The following ANTXR2 variants were observed in gnomAD, a reference collection of about 807,000 sequenced individuals.
ANTXR2 encodes the protein anthrax toxin receptor 2.
In ANTXR2, 44 loss-of-function variants were observed where a neutral mutation model predicts 73.7. That is an observed-to-expected ratio of 0.60 (90% CI 0.47 to 0.77). The LOEUF (loss-of-function observed/expected upper bound fraction) is 0.77. Ranked by LOEUF, ANTXR2 falls within the 30% of genes least tolerant of loss-of-function variation. ANTXR2 has a pLI of 0.00. For missense variants in ANTXR2, 604 were observed against 592.5 expected, an observed-to-expected ratio of 1.02 and a Z score of -0.20; for synonymous variants, 217 against 205.9, an observed-to-expected ratio of 1.05 and a Z score of -0.46.
chr4:80,054,192 C>T (rs901095246), intron 7 of ANTXR2, 80 bp downstream of exon 7: 73 of 1,122,634 alleles, frequency 6.5e-5, no homozygotes, highest in Non-Finnish European at 9.0e-5. Flanking sequence ...ACCACCTGCA[C>T]TGGATATTAA....
At position 79,901,320 on chromosome 4, in the gene ANTXR2, T is replaced by C. The variant is rs988470228; in HGVS notation, c.*6109A>G. 1 of 152,072 alleles carries C rather than the reference T, an allele frequency of 6.6e-6. No individual in the cohort carries two copies. The highest frequency in any genetic ancestry group is 1.5e-5 in the Non-Finnish European group (1 of 68,006). 9.4% of individuals were successfully genotyped at this position (152,072 alleles called of 1,614,324 possible). On this transcript the variant is annotated 3_prime_UTR_variant, in exon 17 of 17. Transcript: ENST00000403729. ...TCCCCAATTACTTATACAAATCAGA[T>C]GGTGGAGTACATGATAAGAAGTTTA...
At chr4:80,069,048 T>C (rs974933105) in intron 3 of ANTXR2, among the ~76,000 whole-genome samples, 26 of 152,186 alleles carry the variant, frequency 1.7e-4, no homozygotes, top group African/African-American at 5.8e-4. Flanking sequence ...CTACTGAATC[T>C]AGGAAATTAT....
At chr4:79,911,481 T>C (rs982154333) in intron 16 of ANTXR2, among the ~76,000 whole-genome samples, 1 of 151,928 alleles carries the variant, frequency 6.6e-6, no homozygotes, top group East Asian at 1.9e-4. Context: ...AGACCTATAT[T>C]TATTATAATT....
rs186468666 is a variant in ANTXR2, at chr4:79,994,333, T to G, written c.1042-9470A>C. Among the ~76,000 whole-genome samples the G allele has an allele frequency of 2.1e-4, 32 of 152,120 alleles. 1 individual carries two copies. In the East Asian group the frequency reaches 5.4e-3, roughly 26 times the overall value. ...GTTCAAATTTGACTCAATAAAGTAC[T>G]AAATTTTATTGGAAAGACCTTACGA... is the stretch of plus-strand genomic sequence containing the variant. On this transcript the variant is annotated intron_variant, in intron 12 of 16. Coordinates refer to ENST00000403729, the MANE Select transcript of ANTXR2 (RefSeq NM_058172.6).
chr4:79,950,535 C>T (rs1474741948), intron 16 of ANTXR2, among the ~76,000 whole-genome samples: 1 of 152,144 alleles, frequency 6.6e-6, no homozygotes, highest in East Asian at 1.9e-4. Context: ...TATTCCAATA[C>T]TTCAGTTTTT....
chr4:80,072,333 A>T, intron 1 of ANTXR2, 76 bp downstream of exon 1: 2 of 1,434,420 alleles, frequency 1.4e-6, no homozygotes, highest in Non-Finnish European at 1.8e-6. Flanking sequence ...GGGTGCGCAC[A>T]CGCATCTCAG....
chr4:80,031,373 T>C (rs1732686787), intron 10 of ANTXR2, among the ~76,000 whole-genome samples: 1 of 151,896 alleles, frequency 6.6e-6, no homozygotes, highest in Non-Finnish European at 1.5e-5. Context: ...CAGATAAATA[T>C]TCATAGAGCC....
At chr4:79,909,628 T>A (rs1727045302) in intron 16 of ANTXR2, among the ~76,000 whole-genome samples, 1 of 150,326 alleles carries the variant, frequency 6.7e-6, no homozygotes, top group Non-Finnish European at 1.5e-5. Flanking sequence ...CTGCCAAATG[T>A]CTCTAGATAT....
chr4:80,054,328 C>T lies in ANTXR2; in HGVS notation c.580G>A (p.Glu194Lys), dbSNP rs376076187. 10 of 1,592,590 alleles carry T rather than the reference C, an allele frequency of 6.3e-6. No homozygotes were observed. Among genetic ancestry groups the T allele is most frequent in the Non-Finnish European group, 8.5e-6 (10 of 1,170,230 alleles). ...CCACCTTTGACAGGGAAAACTTGCTCCTTGGAATCAGCAATTCTTTCAAGC... is the reference window on the plus strand; with the variant it reads ...CCACCTTTGACAGGGAAAACTTGCTTCTTGGAATCAGCAATTCTTTCAAGC... Reference protein sequence around the residue: ...AQLERIADSKEQVFPVKGGFQ... With the variant: ...AQLERIADSKKQVFPVKGGFQ... Residue 194 changes from glutamate (E) to lysine (K), a missense_variant, in exon 7 of 17, where the codon GAG becomes AAG. Physicochemically the swap from Glu to Lys is moderately conservative, Grantham distance 56. Transcript: ENST00000403729.
At chr4:79,912,821 T>C (rs1008920070) in intron 16 of ANTXR2, among the ~76,000 whole-genome samples, 4 of 152,182 alleles carry the variant, frequency 2.6e-5, no homozygotes, top group Admixed American at 6.5e-5. Flanking sequence ...TATTTTACTC[T>C]ATTCTACAGC....
At position 79,901,485 on chromosome 4, in the gene ANTXR2, C is replaced by A. The variant is rs998813727; in HGVS notation, c.*5944G>T. Reference sequence around the variant, plus strand: ...TTTAGTTCATGGAGACAATGCATATCTTTTTCATAGTCTACACCCTAGAAC... The same window carrying A: ...TTTAGTTCATGGAGACAATGCATATATTTTTCATAGTCTACACCCTAGAAC... On this transcript the variant is annotated 3_prime_UTR_variant, in exon 17 of 17. Coordinates refer to ENST00000403729, the MANE Select transcript of ANTXR2 (RefSeq NM_058172.6). 2.7e-5 allele frequency: 4 copies of A among 147,200 alleles called. No individual in the cohort carries two copies. The Admixed American group carries it at 2.8e-4, about 10-fold the overall frequency. 9.1% of individuals were successfully genotyped at this position (147,200 alleles called of 1,614,324 possible). A position where few individuals can be genotyped will look rare whatever the true frequency, so the allele number is the denominator to read the frequency against.
chr4:80,063,010 T>C (rs529145901), intron 3 of ANTXR2, among the ~76,000 whole-genome samples: 6 of 151,778 alleles, frequency 4.0e-5, no homozygotes, highest in South Asian at 2.1e-4. Flanking sequence ...TGAAAAAAAA[T>C]GAAAAACTAT....
intron 16 of ANTXR2, among the ~76,000 whole-genome samples, chr4:79,930,468 C>T (rs1361255998): frequency 1.3e-5 from 2 of 152,148 alleles, no homozygotes; most frequent in Non-Finnish European, 2.9e-5. Flanking sequence ...TTTCCATCTT[C>T]CTAAAATGTG....
At chr4:79,912,365 T>C (rs866441830) in intron 16 of ANTXR2, among the ~76,000 whole-genome samples, 1 of 152,024 alleles carries the variant, frequency 6.6e-6, no homozygotes, top group South Asian at 2.1e-4. Context: ...AAAATTTGTA[T>C]AGCATATAAG....
chr4:80,041,538 T>C (rs1578179063), intron 7 of ANTXR2, among the ~76,000 whole-genome samples: 1 of 151,942 alleles, frequency 6.6e-6, no homozygotes, highest in Non-Finnish European at 1.5e-5. Context: ...TGTGCCATGG[T>C]GGTTTGCTGC....
chr4:80,053,790 T>A (rs568823449), intron 7 of ANTXR2, among the ~76,000 whole-genome samples: 1 of 151,718 alleles, frequency 6.6e-6, no homozygotes, highest in Non-Finnish European at 1.5e-5. Context: ...AGAAATATTA[T>A]GTGCTCTAGT....
At chr4:79,914,833 C>T (rs1256817090) in intron 16 of ANTXR2, among the ~76,000 whole-genome samples, 1 of 152,118 alleles carries the variant, frequency 6.6e-6, no homozygotes, top group African/African-American at 2.4e-5. Flanking sequence ...CAAAAGTAAG[C>T]ACAATATAAT....
intron 14 of ANTXR2, among the ~76,000 whole-genome samples, chr4:79,981,109 C>T (rs980677227): frequency 6.6e-6 from 1 of 151,992 alleles, no homozygotes; most frequent in Non-Finnish European, 1.5e-5. Context: ...ATCATCCACT[C>T]CAGATTTCTT....
At chr4:80,058,081 T>C (rs570176457) in intron 3 of ANTXR2, among the ~76,000 whole-genome samples, 1 of 152,210 alleles carries the variant, frequency 6.6e-6, no homozygotes, top group Admixed American at 6.5e-5. Flanking sequence ...TGAGCATTAG[T>C]GTTTGCTGCC....
Sources: gnomAD v4.1 joint callset for allele counts (sites outside exome capture counted in the v4.1 genomes callset) on GRCh38, gnomAD v4.1.1 for gene constraint, MANE v1.5 for transcripts, NCBI Gene and HGNC (gene_info 2026-07-23, HGNC 2026-07-21) for gene names.